Variants in USP37 observed in about 807,000 individuals in gnomAD.
USP37 encodes the protein ubiquitin specific peptidase 37, also known as ubiquitin carboxyl-terminal hydrolase 37.
In USP37, 27 loss-of-function variants were observed where a neutral mutation model predicts 124.0. The ratio of observed to expected loss-of-function variants is 0.22; its 90% CI spans 0.16 to 0.30. USP37 has a LOEUF of 0.30. Among genes scored for constraint, USP37 ranks in the 10% least tolerant of loss-of-function variants. USP37 has a pLI of 1.00. For synonymous variants in USP37, 365 were observed against 388.0 expected (o/e 0.94, Z 0.70); for missense variants, 889 against 1,140.4 (o/e 0.78, Z 3.17).
At chr2:218,490,940 C>T (rs1294840024) in intron 14 of USP37, among the ~76,000 whole-genome samples, 1 of 152,138 alleles carries the variant, frequency 6.6e-6, no homozygotes, top group Non-Finnish European at 1.5e-5. Flanking sequence ...GTGGCCCGAC[C>T]ACGGCTCACT....
chr2:218,518,874 T>C (rs545225678), intron 10 of USP37, among the ~76,000 whole-genome samples: 11 of 152,326 alleles, frequency 7.2e-5, no homozygotes, highest in African/African-American at 2.6e-4. Flanking sequence ...AGATAGTAAA[T>C]AGTGCCACAC....
At chr2:218,525,796 T>G (rs1690924540) in intron 10 of USP37, among the ~76,000 whole-genome samples, 1 of 152,148 alleles carries the variant, frequency 6.6e-6, no homozygotes, top group African/African-American at 2.4e-5. Context: ...ATCACCCAGG[T>G]ATTAAGCCTA....
chr2:218,497,872 AAC>A lies in USP37; in HGVS notation c.1158-17_1158-16del, dbSNP rs1487013871. The A allele has an allele frequency of 6.2e-7, 1 of 1,610,708 alleles. No homozygotes were observed. The highest frequency in any genetic ancestry group is 1.1e-5 in the South Asian group (1 of 90,308). On this transcript the variant is annotated splice_polypyrimidine_tract_variant and intron_variant, in intron 12 of 25. Coordinates refer to ENST00000258399, the MANE Select transcript of USP37 (RefSeq NM_020935.3). ...GTGCAAAGCGTCTAGTAAAACAAAA[AAC>A]ACAAAGTTAGCACGTTTTACATGAC...
intron 19 of USP37, among the ~76,000 whole-genome samples, chr2:218,476,276 A>G (rs556986951): frequency 1.2e-3 from 177 of 152,314 alleles, no homozygotes; most frequent in African/African-American, 4.0e-3. Flanking sequence ...GTTCCCTCAC[A>G]TAAACAATTG....
chr2:218,563,058 G>T (rs1693394841), intron 1 of USP37, among the ~76,000 whole-genome samples: 1 of 151,606 alleles, frequency 6.6e-6, no homozygotes, highest in Admixed American at 6.6e-5. Flanking sequence ...AGCTACTCGG[G>T]AGGCTGAGGC....
chr2:218,562,415 T>C (rs1231492576), intron 2 of USP37, among the ~76,000 whole-genome samples: 1 of 152,242 alleles, frequency 6.6e-6, no homozygotes, highest in Admixed American at 6.5e-5. Context: ...TTATTAAAAT[T>C]ACTGTTCAAC....
intron 20 of USP37, among the ~76,000 whole-genome samples, chr2:218,471,295 C>T (rs1015804992): frequency 6.6e-6 from 1 of 152,174 alleles, no homozygotes; most frequent in Non-Finnish European, 1.5e-5. Flanking sequence ...TAAGTTCACA[C>T]TTTGAGAAGC....
intron 8 of USP37, among the ~76,000 whole-genome samples, chr2:218,540,716 G>C (rs2106036349): frequency 6.6e-6 from 1 of 152,238 alleles, no homozygotes; most frequent in Admixed American, 6.5e-5. Flanking sequence ...GTTGACCATA[G>C]GTAATTGAAA....
At chr2:218,545,124 T>C (rs201844432) in intron 8 of USP37, among the ~76,000 whole-genome samples, 1 of 152,224 alleles carries the variant, frequency 6.6e-6, no homozygotes, top group Admixed American at 6.5e-5. Context: ...TCAGTGGCTG[T>C]AGGGGCAAAC....
intron 22 of USP37, among the ~76,000 whole-genome samples, chr2:218,461,462 C>T (rs533724047): frequency 1.8e-4 from 28 of 151,484 alleles, no homozygotes; most frequent in Non-Finnish European, 2.7e-4. Flanking sequence ...GCCAAGATCA[C>T]GCCACTGCAC....
At chr2:218,541,075 A>G (rs553238169) in intron 8 of USP37, among the ~76,000 whole-genome samples, 2 of 152,344 alleles carry the variant, frequency 1.3e-5, no homozygotes, top group South Asian at 4.2e-4. Flanking sequence ...TGTAAAAAAT[A>G]TATGGGTCCA....
At chr2:218,508,188 G>GT (rs917029858) in intron 11 of USP37, among the ~76,000 whole-genome samples, 9 of 151,620 alleles carry the variant, frequency 5.9e-5, no homozygotes, top group African/African-American at 1.7e-4. Context: ...TAATCTTATG[G>GT]TTTTTTTTGG....
intron 11 of USP37, among the ~76,000 whole-genome samples, chr2:218,506,463 C>G (rs376327697): frequency 6.7e-6 from 1 of 150,016 alleles, no homozygotes. Flanking sequence ...GCTAATTTTT[C>G]TATTTTTAGT....
chr2:218,474,516 C>CATG, intron 20 of USP37, 114 bp downstream of exon 20: 1 of 1,444,880 alleles, frequency 6.9e-7, no homozygotes, highest in Non-Finnish European at 9.3e-7. Flanking sequence ...CACACACCAC[C>CATG]ATGCTCAGCT....
At chr2:218,557,319 T>C (rs1239160669) in intron 4 of USP37, among the ~76,000 whole-genome samples, 2 of 152,108 alleles carry the variant, frequency 1.3e-5, no homozygotes, top group Non-Finnish European at 2.9e-5. Context: ...AACATTTGAA[T>C]ATTTACTCAC....
At chr2:218,517,492 T>C (rs1178901233) in intron 10 of USP37, among the ~76,000 whole-genome samples, 2 of 152,206 alleles carry the variant, frequency 1.3e-5, no homozygotes, top group Non-Finnish European at 2.9e-5. Flanking sequence ...AACTATAGGA[T>C]ATTTTCACAG....
intron 4 of USP37, among the ~76,000 whole-genome samples, chr2:218,553,951 G>A (rs1692803291): frequency 6.6e-6 from 1 of 151,962 alleles, no homozygotes; most frequent in African/African-American, 2.4e-5. Context: ...TAATTATACA[G>A]AGATCTTGCA....
chr2:218,546,354 A>G, intron 7 of USP37, 56 bp from the exon 8 acceptor site: 1 of 1,301,926 alleles, frequency 7.7e-7, no homozygotes, highest in Non-Finnish European at 1.1e-6. Flanking sequence ...TATCACAAAA[A>G]TTCATAAATC....
At chr2:218,480,858 C>A (rs1430516543) in intron 17 of USP37, among the ~76,000 whole-genome samples, 1 of 152,162 alleles carries the variant, frequency 6.6e-6, no homozygotes, top group Non-Finnish European at 1.5e-5. Context: ...ACGTGAAAAG[C>A]TGTGAGAGGA....
Sources: allele counts gnomAD v4.1 joint callset (sites outside exome capture counted in the v4.1 genomes callset), GRCh38; gene constraint gnomAD v4.1.1; transcripts MANE v1.5; gene names NCBI Gene and HGNC (gene_info 2026-07-23, HGNC 2026-07-21).